The following C12orf42 variants were observed in gnomAD, a reference collection of about 807,000 sequenced individuals.
The protein encoded by C12orf42 is chromosome 12 open reading frame 42, also known as uncharacterized protein C12orf42.
C12orf42 carries 25 observed loss-of-function variants against 21.6 expected under a neutral mutation model. The ratio of observed to expected loss-of-function variants is 1.16; its 90% CI spans 0.84 to 1.62. C12orf42 has a LOEUF of 1.62. Ranked by LOEUF, C12orf42 falls within the 40% of genes most tolerant of loss-of-function variation. The probability of loss-of-function intolerance (pLI) is 0.00; values close to 1 mark genes in which losing one functional copy is unlikely to be tolerated. For missense variants in C12orf42, 483 were observed against 459.3 expected (o/e 1.05, Z -0.47); for synonymous variants, 174 against 175.0 (o/e 0.99, Z 0.05).
chr12:103,057,338 C>G, the C12orf42 span, among the ~76,000 whole-genome samples: 2 of 152,072 alleles, frequency 1.3e-5, no homozygotes, highest in African/African-American at 4.8e-5. Context: ...TGTCCTAATG[C>G]TCTCCCTCCC....
the C12orf42 span, among the ~76,000 whole-genome samples, chr12:103,561,894 G>T: frequency 2.0e-5 from 3 of 152,016 alleles, no homozygotes; most frequent in Non-Finnish European, 4.4e-5. Context: ...AAAGTATTAT[G>T]CCTCCTCTTG....
At chr12:103,186,663 A>G in the C12orf42 span, among the ~76,000 whole-genome samples, 2 of 152,194 alleles carry the variant, frequency 1.3e-5, no homozygotes, top group African/African-American at 4.8e-5. Context: ...ATGAAAAATC[A>G]TGAATTAATG....
chr12:103,185,966 G>A, the C12orf42 span, among the ~76,000 whole-genome samples: 19 of 152,218 alleles, frequency 1.2e-4, no homozygotes, highest in African/African-American at 4.6e-4. Flanking sequence ...TCCTTGTGTG[G>A]TAAAATGGCC....
the C12orf42 span, among the ~76,000 whole-genome samples, chr12:103,207,117 T>C: frequency 1.3e-5 from 2 of 152,342 alleles, no homozygotes; most frequent in East Asian, 3.9e-4. Context: ...GCATGATTTG[T>C]CATGTCCCTC....
intron 4 of C12orf42, among the ~76,000 whole-genome samples, chr12:103,281,126 A>T (rs2036087025): frequency 6.6e-6 from 1 of 152,206 alleles, no homozygotes; most frequent in Non-Finnish European, 1.5e-5. Context: ...TACTAAGATG[A>T]TGTCTATTTG....
the C12orf42 span, among the ~76,000 whole-genome samples, chr12:103,091,217 C>A: frequency 6.6e-6 from 1 of 152,118 alleles, no homozygotes; most frequent in Non-Finnish European, 1.5e-5. Context: ...GAATGATCAG[C>A]CCCCTATTAG....
the C12orf42 span, among the ~76,000 whole-genome samples, chr12:103,098,112 T>C: frequency 6.6e-6 from 1 of 152,220 alleles, no homozygotes; most frequent in African/African-American, 2.4e-5. Flanking sequence ...GAAAGTTATT[T>C]AAGGAAATTT....
At chr12:103,485,979 G>A (rs1954805999) in intron 1 of C12orf42, among the ~76,000 whole-genome samples, 1 of 152,138 alleles carries the variant, frequency 6.6e-6, no homozygotes, top group Admixed American at 6.5e-5. Flanking sequence ...TCTCTTGCCT[G>A]ATTGCCCTGG....
chr12:103,219,842 A>G, the C12orf42 span, among the ~76,000 whole-genome samples: 1 of 152,252 alleles, frequency 6.6e-6, no homozygotes. Context: ...CCATTATAGA[A>G]GACAGTGTGG....
chr12:103,454,612 G>A (rs188307370), intron 2 of C12orf42, among the ~76,000 whole-genome samples: 15 of 152,154 alleles, frequency 9.9e-5, no homozygotes, highest in Non-Finnish European at 1.9e-4. Flanking sequence ...CTTCATAAGA[G>A]TTGCTGAAAG....
At chr12:103,327,262 CTT>C (rs2040800284) in intron 4 of C12orf42, among the ~76,000 whole-genome samples, 1 of 152,168 alleles carries the variant, frequency 6.6e-6, no homozygotes, top group East Asian at 1.9e-4. Context: ...GTCAGGACCT[CTT>C]GGGTAAGAAG....
At chr12:103,501,890 G>C in the C12orf42 span, among the ~76,000 whole-genome samples, 2 of 151,978 alleles carry the variant, frequency 1.3e-5, no homozygotes, top group African/African-American at 4.8e-5. Flanking sequence ...TAACTAGCTT[G>C]CCAACATTTA....
the C12orf42 span, among the ~76,000 whole-genome samples, chr12:103,502,289 C>A: frequency 6.6e-6 from 1 of 152,176 alleles, no homozygotes; most frequent in Non-Finnish European, 1.5e-5. Context: ...CAGCTTTCAA[C>A]AAGACTCCCA....
At chr12:103,524,942 G>A in the C12orf42 span, among the ~76,000 whole-genome samples, 5 of 101,756 alleles carry the variant, frequency 4.9e-5, no homozygotes, top group African/African-American at 1.9e-4. Context: ...TAAATTGGAA[G>A]TTGTTCTTTT....
At chr12:103,462,217 C>T (rs1952782461) in intron 2 of C12orf42, among the ~76,000 whole-genome samples, 1 of 148,054 alleles carries the variant, frequency 6.8e-6, no homozygotes, top group Admixed American at 6.9e-5. Flanking sequence ...AAGTGATTCT[C>T]CTGTCGCAAC....
the C12orf42 span, among the ~76,000 whole-genome samples, chr12:103,115,317 C>A: frequency 1.3e-5 from 2 of 152,240 alleles, no homozygotes; most frequent in African/African-American, 4.8e-5. Context: ...GAAGTTTTAA[C>A]ATGATATTAT....
At chr12:103,110,240 T>C in the C12orf42 span, among the ~76,000 whole-genome samples, 1 of 152,168 alleles carries the variant, frequency 6.6e-6, no homozygotes, top group Admixed American at 6.5e-5. Context: ...GATGTATAAG[T>C]ATCAACATGG....
At chr12:103,320,122 G>A (rs1176179410) in intron 4 of C12orf42, among the ~76,000 whole-genome samples, 1 of 152,096 alleles carries the variant, frequency 6.6e-6, no homozygotes, top group African/African-American at 2.4e-5. Context: ...AGGCTGACAG[G>A]TGACACCAAC....
chr12:103,440,475 A>G (rs1029006500), intron 2 of C12orf42, among the ~76,000 whole-genome samples: 2 of 146,856 alleles, frequency 1.4e-5, no homozygotes, highest in Admixed American at 6.8e-5. Context: ...AAAAAAAAAA[A>G]AAAAGAAACT....
Sources: allele counts gnomAD v4.1 joint callset (sites outside exome capture counted in the v4.1 genomes callset), GRCh38; gene constraint gnomAD v4.1.1; transcripts MANE v1.5; gene names NCBI Gene and HGNC (gene_info 2026-07-23, HGNC 2026-07-21).